ARHGEF4: variants seen among roughly 807,000 people sequenced by gnomAD.
The protein encoded by ARHGEF4 is APC-stimulated guanine nucleotide exchange factor 1.
ARHGEF4 carries 119 observed loss-of-function variants against 162.0 expected under a neutral mutation model. That is an observed-to-expected ratio of 0.73 (90% CI 0.63 to 0.86). The LOEUF is 0.86. ARHGEF4 is among the 40% of genes least tolerant of loss of function. The pLI, the probability that ARHGEF4 is intolerant of heterozygous loss-of-function variation, is 0.00. For synonymous variants in ARHGEF4, 1,014 were observed against 979.9 expected, an observed-to-expected ratio of 1.03 and a Z score of -0.65; for missense variants, 2,488 against 2,456.0, an observed-to-expected ratio of 1.01 and a Z score of -0.28.
chr2:130,969,322 G>T (rs1051568067), intron 4 of ARHGEF4, among the ~76,000 whole-genome samples: 1 of 152,186 alleles, frequency 6.6e-6, no homozygotes, highest in African/African-American at 2.4e-5. Flanking sequence ...TGTCAGCCGG[G>T]TGCGTTGGGT....
chr2:130,839,263 C>A (rs549618581), intron 1 of ARHGEF4, among the ~76,000 whole-genome samples: 1 of 152,264 alleles, frequency 6.6e-6, no homozygotes, highest in South Asian at 2.1e-4. Context: ...AGAGGAGCTA[C>A]GTGCTTCAGT....
chr2:130,975,295 C>A (rs1027909497), intron 4 of ARHGEF4, among the ~76,000 whole-genome samples: 1 of 152,224 alleles, frequency 6.6e-6, no homozygotes, highest in Non-Finnish European at 1.5e-5. Context: ...GCCTTCCAGA[C>A]CCTGGAGACT....
At chr2:130,925,366 G>A (rs1682177348) in intron 2 of ARHGEF4, among the ~76,000 whole-genome samples, 1 of 152,076 alleles carries the variant, frequency 6.6e-6, no homozygotes, top group Non-Finnish European at 1.5e-5. Flanking sequence ...AGGTGCAAAA[G>A]CAATTCAATG....
At chr2:130,889,525 C>T (rs958528548) in intron 1 of ARHGEF4, among the ~76,000 whole-genome samples, 2 of 151,838 alleles carry the variant, frequency 1.3e-5, no homozygotes, top group Admixed American at 1.3e-4. Flanking sequence ...CTTAAATGTA[C>T]TTACAGGCTG....
At position 130,904,986 on chromosome 2, in the gene ARHGEF4, C is replaced by T. The variant is rs576003997; in HGVS notation, c.40-9000C>T. The stretch of plus-strand genomic sequence containing the variant: ...CCCAGCTATTGGGGAGGCTGAGGCA[C>T]GAGAATCGCTTGAACATCGGAGGCA... On this transcript the variant is annotated intron_variant, in intron 1 of 13. Transcript: ENST00000409359. 1.2e-3 allele frequency among the ~76,000 whole-genome samples: 186 copies of T among 152,238 alleles called. 3 individuals carry two copies. Among genetic ancestry groups the T allele is most frequent in the African/African-American group, 4.0e-3 (167 of 41,548 alleles).
chr2:131,017,459 G>C (rs544689535), intron 4 of ARHGEF4, among the ~76,000 whole-genome samples: 1 of 152,298 alleles, frequency 6.6e-6, no homozygotes, highest in South Asian at 2.1e-4. Context: ...ATGAGTAAAA[G>C]TACTGGGAGA....
rs761236894 is a variant in ARHGEF4 at position 131,040,198 on chromosome 2, G to GC, written c.4482+9dup. Reference sequence around the variant, plus strand: ...ACCTGCGCGACATCTGCGAGGTGAGGCCCGGCCGGCGGGCGGTGACTGGGG... The same window carrying GC: ...ACCTGCGCGACATCTGCGAGGTGAGGCCCCGGCCGGCGGGCGGTGACTGGGG... On this transcript the variant is annotated splice_region_variant and intron_variant, in intron 7 of 13. Transcript: ENST00000409359. 22 of 1,609,066 alleles carry GC rather than the reference G, an allele frequency of 1.4e-5. No homozygotes were observed. The highest frequency in any genetic ancestry group is 1.6e-4 in the Middle Eastern group (1 of 6,068).
chr2:130,914,282 AC>A lies in ARHGEF4; in HGVS notation c.341del (p.Pro114LeufsTer6). The A allele has an allele frequency of 6.6e-7, 1 of 1,524,726 alleles. No homozygotes were observed. The highest frequency in any genetic ancestry group is 8.8e-7 in the Non-Finnish European group (1 of 1,139,936). 94.4% of individuals were successfully genotyped at this position (1,524,726 alleles called of 1,614,324 possible). On this transcript the variant is annotated frameshift_variant, in exon 2 of 14. Coordinates refer to ENST00000409359, the MANE Select transcript of ARHGEF4 (RefSeq NM_001367493.1). LOFTEE classifies it high-confidence loss of function. ...AATACCCTGATGTCTCAGCAACTGG[AC>A]CCCCTCAGGAGCAGCATTTGACCAG... Reference protein sequence around the residue: ...WEYPDVSATGPPQEQHLTSVP... With the variant: ...WEYPDVSATGXPQEQHLTSVP...
In ARHGEF4 at chr2:130,916,568, G is replaced by A. The variant is rs1014684724; in HGVS notation, c.2622G>A (p.Ala874=). 10 of 1,550,270 alleles carry A rather than the reference G, an allele frequency of 6.5e-6. No individual in the cohort carries two copies. Among genetic ancestry groups the A allele is most frequent in the East Asian group, 2.4e-5 (1 of 40,908 alleles). ...ACAGGACTGCAGGGCCGGCAGGAGC[G>A]GGGCACACGGGGACCTCAGGGGATC... is the stretch of plus-strand genomic sequence containing the variant. ...AGDRTAGPAG[A]GHTGTSGDLG... Residue 874 remains alanine, a synonymous_variant, in exon 2 of 14, where the codon GCG becomes GCA. Coordinates refer to ENST00000409359, the MANE Select transcript of ARHGEF4 (RefSeq NM_001367493.1).
chr2:131,040,980 TATC>T (rs1246021809), intron 8 of ARHGEF4, among the ~76,000 whole-genome samples: 1 of 152,158 alleles, frequency 6.6e-6, no homozygotes, highest in African/African-American at 2.4e-5. Flanking sequence ...CCGTCCTTGT[TATC>T]ATGGATTTCA....
intron 4 of ARHGEF4, among the ~76,000 whole-genome samples, chr2:130,963,121 G>T (rs1684733965): frequency 6.6e-6 from 1 of 152,182 alleles, no homozygotes; most frequent in Non-Finnish European, 1.5e-5. Flanking sequence ...GGGCCTCGTG[G>T]CCCCAATCTT....
rs911296085 is a variant in ARHGEF4 at position 130,914,662 on chromosome 2, G to A, written c.716G>A (p.Arg239Gln). ...CTTCTCTGGTGCTGTGAACTGGGTC[G>A]GAGTTGGCCACATATCCACAACAGG... is the stretch of plus-strand genomic sequence containing the variant. ...PFLLWCCELG[R>Q]SWPHIHNRAR... The change falls in exon 2 of 14, where the codon CGG becomes CAG. Residue 239 changes from arginine (R) to glutamine (Q), a missense_variant. Around this residue, in one of 6 missense-constraint regions of ARHGEF4, gnomAD observed 1,642 missense variants for 1,481.5 expected, o/e 1.11. Transcript: ENST00000409359. 4 of 1,386,984 alleles carry A rather than the reference G, an allele frequency of 2.9e-6. No individual in the cohort carries two copies. The highest frequency in any genetic ancestry group is 1.9e-5 in the South Asian group (1 of 53,074). The allele number at this position is 1,386,984 out of a possible 1,614,324, so 85.9% of individuals were successfully genotyped here. A position where few individuals can be genotyped will look rare whatever the true frequency, so the allele number is the denominator to read the frequency against.
intron 4 of ARHGEF4, among the ~76,000 whole-genome samples, chr2:130,974,249 G>A (rs62178925): frequency 0.044 from 6,591 of 151,426 alleles, 164 homozygotes; most frequent in Middle Eastern, 0.068. Flanking sequence ...TCCAGATGGG[G>A]CAACAGAGTG....
intron 3 of ARHGEF4, among the ~76,000 whole-genome samples, chr2:130,933,526 A>G (rs1290881558): frequency 6.6e-6 from 1 of 152,178 alleles, no homozygotes; most frequent in Non-Finnish European, 1.5e-5. Flanking sequence ...GTAGTGCCAT[A>G]TTAATAATAT....
chr2:131,014,380 A>G (rs1161680329), intron 4 of ARHGEF4, among the ~76,000 whole-genome samples: 1 of 152,226 alleles, frequency 6.6e-6, no homozygotes, highest in South Asian at 2.1e-4. Flanking sequence ...TACTTTTTAA[A>G]GTAATTGTGA....
chr2:131,019,446 G>A (rs1688954796), intron 4 of ARHGEF4, among the ~76,000 whole-genome samples: 1 of 151,078 alleles, frequency 6.6e-6, no homozygotes, highest in Non-Finnish European at 1.5e-5. Context: ...TTATAGGAAT[G>A]CATTGAATAC....
At position 130,916,941 on chromosome 2, in the gene ARHGEF4, G is replaced by A. The variant is rs142228684; in HGVS notation, c.2995G>A (p.Val999Ile). The A allele has an allele frequency of 8.4e-6, 13 of 1,550,658 alleles. No individual in the cohort carries two copies. Among genetic ancestry groups the A allele is most frequent in the Non-Finnish European group, 8.7e-6 (10 of 1,147,058 alleles). Residue 999 changes from valine to isoleucine, a missense_variant, in exon 2 of 14, where the codon GTT becomes ATT. Coordinates refer to ENST00000409359, the MANE Select transcript of ARHGEF4 (RefSeq NM_001367493.1). ...ACGGGCGGAGGACAAAGAGGGCTAT[G>A]TTTTTAGCGATCACTGGGCACCCCC... is the stretch of plus-strand genomic sequence containing the variant. Reference protein sequence around the residue: ...EERAEDKEGYVFSDHWAPPLA... With the variant: ...EERAEDKEGYIFSDHWAPPLA...
rs943133211 is a variant in ARHGEF4 at position 131,044,559 on chromosome 2, G to A, written c.5401+17G>A. 1.9e-6 allele frequency: 3 copies of A among 1,542,564 alleles called. No individual in the cohort carries two copies. The highest frequency in any genetic ancestry group is 2.6e-6 in the Non-Finnish European group (3 of 1,141,306). ...AGGAGACAGGTTCGAGACCCTGCTG[G>A]GCCTTGCCCCGCCCCCAGGGCCCAC... On this transcript the variant is annotated intron_variant, in intron 12 of 13. Transcript: ENST00000409359.
chr2:130,882,515 C>T (rs561575211), intron 1 of ARHGEF4, among the ~76,000 whole-genome samples: 114 of 152,030 alleles, frequency 7.5e-4, no homozygotes, highest in Non-Finnish European at 1.2e-3. Context: ...CTCATGAGGG[C>T]GACACCCTCA....
Sources: gnomAD v4.1 joint callset for allele counts (sites outside exome capture counted in the v4.1 genomes callset) on GRCh38, gnomAD v4.1.1 for gene constraint, gnomAD v4.1.1 regional missense constraint, MANE v1.5 for transcripts, NCBI Gene and HGNC (gene_info 2026-07-23, HGNC 2026-07-21) for gene names.